Variants in CLIC5 observed in about 807,000 individuals in gnomAD.
CLIC5 encodes the protein CLIC family member 5.
CLIC5 carries 20 observed loss-of-function variants against 24.7 expected under a neutral mutation model. The observed-to-expected ratio is 0.81, with a 90% CI of 0.57 to 1.18. CLIC5 has a LOEUF of 1.18. CLIC5 is among the 50% of genes most tolerant of loss of function. CLIC5 has a pLI of 0.00. For missense variants in CLIC5, 341 were observed against 326.1 expected (o/e 1.05, Z -0.35); for synonymous variants, 159 against 135.6 (o/e 1.17, Z -1.20).
At chr6:46,111,961 G>A in the CLIC5 span, among the ~76,000 whole-genome samples, 3 of 152,122 alleles carry the variant, frequency 2.0e-5, no homozygotes, top group Non-Finnish European at 4.4e-5. Context: ...CACCATGATT[G>A]TGAGGCCTCC....
rs1451217119 is a variant in CLIC5 at position 46,079,685 on chromosome 6, G to A, written c.540+18C>T. ...ATATCTGCATGAACAGGGTATGCCT[G>A]TCAGAGGCAGACCTTACCTTCACAA... On this transcript the variant is annotated intron_variant, in intron 1 of 5. Coordinates refer to the CLIC5 transcript ENST00000185206. The A allele has an allele frequency of 1.9e-6, 3 of 1,541,614 alleles. No homozygotes were observed. The African/African-American group carries it at 4.1e-5, about 21-fold the overall frequency.
At chr6:46,031,242 C>A (rs568152149) in intron 1 of CLIC5, among the ~76,000 whole-genome samples, 1 of 152,146 alleles carries the variant, frequency 6.6e-6, no homozygotes, top group Non-Finnish European at 1.5e-5. Flanking sequence ...ATCCCTTGCC[C>A]CTCATCCTTT....
chr6:45,941,466 C>T, intron 4 of CLIC5, 81 bp downstream of exon 4: 2 of 1,080,256 alleles, frequency 1.9e-6, no homozygotes, highest in Non-Finnish European at 2.9e-6. Context: ...AAGTATTTGA[C>T]ATGCCTATGG....
chr6:45,994,577 C>CGTT (rs1766059646), intron 1 of CLIC5, among the ~76,000 whole-genome samples: 1 of 151,976 alleles, frequency 6.6e-6, no homozygotes, highest in South Asian at 2.1e-4. Context: ...ATGGAACAAA[C>CGTT]CTGCACGTTC....
intron 1 of CLIC5, among the ~76,000 whole-genome samples, chr6:46,067,465 T>C (rs375295401): frequency 2.0e-5 from 3 of 152,312 alleles, no homozygotes; most frequent in East Asian, 3.9e-4. Context: ...CTAGTTTGGC[T>C]TCTGTGTCTG....
chr6:45,955,359 A>G, intron 1 of CLIC5, 115 bp from the exon 2 acceptor site: 1 of 686,142 alleles, frequency 1.5e-6, no homozygotes. Flanking sequence ...ATGTCCCAGC[A>G]ACTTCAAAGG....
chr6:46,064,366 A>G (rs1762383212), intron 1 of CLIC5, among the ~76,000 whole-genome samples: 1 of 152,088 alleles, frequency 6.6e-6, no homozygotes, highest in South Asian at 2.1e-4. Flanking sequence ...ATTAGGGAAG[A>G]AATAGTATCA....
intron 1 of CLIC5, among the ~76,000 whole-genome samples, chr6:45,990,160 A>T (rs1765883865): frequency 1.3e-5 from 2 of 152,182 alleles, no homozygotes. Context: ...TTTTTAGGCT[A>T]CTGTGTGTTT....
chr6:45,937,433 A>G (rs1763977238), intron 4 of CLIC5: 1 of 152,254 alleles, frequency 6.6e-6, no homozygotes, highest in Non-Finnish European at 1.5e-5. Context: ...AACTGAATGT[A>G]AAGTCCATTT....
chr6:45,966,524 CAAAG>C, intron 1 of CLIC5, among the ~76,000 whole-genome samples: 1 of 152,334 alleles, frequency 6.6e-6, no homozygotes, highest in South Asian at 2.1e-4. Flanking sequence ...GTTAAACAAA[CAAAG>C]AAACAAATGA....
intron 1 of CLIC5, among the ~76,000 whole-genome samples, chr6:45,989,829 T>C (rs1175168578): frequency 2.0e-5 from 3 of 152,184 alleles, no homozygotes; most frequent in Non-Finnish European, 4.4e-5. Flanking sequence ...TTTGAGGAAC[T>C]TCACCATCAG....
chr6:46,103,252 TAAGATA>T, the CLIC5 span, among the ~76,000 whole-genome samples: 1 of 152,236 alleles, frequency 6.6e-6, no homozygotes, highest in East Asian at 1.9e-4. Context: ...TTTTGAAAAA[TAAGATA>T]AATAGCGACT....
At chr6:45,985,118 C>G (rs1449849148) in intron 1 of CLIC5, among the ~76,000 whole-genome samples, 1 of 152,108 alleles carries the variant, frequency 6.6e-6, no homozygotes, top group Non-Finnish European at 1.5e-5. Context: ...GAAGCTAAGC[C>G]CTGGCAAAGG....
chr6:46,009,056 C>T (rs1254058584), intron 1 of CLIC5, among the ~76,000 whole-genome samples: 2 of 152,018 alleles, frequency 1.3e-5, no homozygotes, highest in Non-Finnish European at 2.9e-5. Flanking sequence ...ATAGACAGGA[C>T]CTGGGCAGGT....
At chr6:46,081,693 G>A (rs1363708904), upstream of CLIC5, among the ~76,000 whole-genome samples, 1 of 152,112 alleles carries the variant, frequency 6.6e-6, no homozygotes, top group Non-Finnish European at 1.5e-5. Flanking sequence ...TTTACAGCTG[G>A]TGAAAACCTA....
chr6:46,071,454 A>G (rs1762592942), intron 1 of CLIC5, among the ~76,000 whole-genome samples: 1 of 152,200 alleles, frequency 6.6e-6, no homozygotes, highest in Admixed American at 6.5e-5. Flanking sequence ...TCAAAAGAAG[A>G]CATACATGGG....
chr6:46,082,526 T>A (rs1241003063), upstream of CLIC5, among the ~76,000 whole-genome samples: 1 of 152,196 alleles, frequency 6.6e-6, no homozygotes, highest in Non-Finnish European at 1.5e-5. Flanking sequence ...ACCTGTTTTT[T>A]CACCCCTTGC....
At chr6:45,906,250 A>G (rs1455427340) in intron 5 of CLIC5, among the ~76,000 whole-genome samples, 1 of 152,174 alleles carries the variant, frequency 6.6e-6, no homozygotes, top group Non-Finnish European at 1.5e-5. Context: ...TATGTGAAAA[A>G]TGACATTGGT....
chr6:46,003,885 G>A (rs80353300), intron 1 of CLIC5, among the ~76,000 whole-genome samples: 17 of 152,276 alleles, frequency 1.1e-4, no homozygotes, highest in East Asian at 1.9e-4. Context: ...TCTGGAGTCC[G>A]GATCTCCAGG....
Sources: allele counts gnomAD v4.1 joint callset (sites outside exome capture counted in the v4.1 genomes callset), GRCh38; gene constraint gnomAD v4.1.1; transcripts MANE v1.5; gene names NCBI Gene and HGNC (gene_info 2026-07-23, HGNC 2026-07-21).